HMCN2: variants seen among roughly 807,000 people sequenced by gnomAD.
The protein encoded by HMCN2 is hemicentin-2.
Under a neutral mutation model 377.5 loss-of-function variants are expected in HMCN2, and 325 were observed. That is an observed-to-expected ratio of 0.86 (90% CI 0.79 to 0.94). HMCN2 has a LOEUF of 0.94. Ranked by LOEUF, HMCN2 falls within the 40% of genes least tolerant of loss-of-function variation. HMCN2 has a pLI of 0.00. For synonymous variants in HMCN2, 2,007 were observed against 2,046.8 expected (o/e 0.98, Z 0.53); for missense variants, 4,543 against 4,725.3 (o/e 0.96, Z 1.13).
chr9:130,368,759 GA>G (rs1405499082), intron 44 of HMCN2, among the ~76,000 whole-genome samples: 2 of 152,062 alleles, frequency 1.3e-5, no homozygotes, highest in Non-Finnish European at 2.9e-5. Context: ...AGCCAGGGGG[GA>G]AGCACCAGAC....
intron 87 of HMCN2, among the ~76,000 whole-genome samples, chr9:130,424,319 C>T (rs532595375): frequency 6.6e-6 from 1 of 151,000 alleles, no homozygotes; most frequent in African/African-American, 2.4e-5. Flanking sequence ...GCTGGGACTA[C>T]AGACGCCTGC....
chr9:130,414,731 T>C lies in HMCN2; in HGVS notation c.12962-4041T>C, dbSNP rs1843598122. Among the ~76,000 whole-genome samples, 1 of 151,930 alleles carries C rather than the reference T, an allele frequency of 6.6e-6. No individual in the cohort carries two copies. Among genetic ancestry groups the C allele is most frequent in the South Asian group, 2.1e-4 (1 of 4,822 alleles). ...GATCATCCCATCTCAGCCTCCCAAGTAGCTGGGACTGCAGGCACGTGCCAC... is the reference window on the plus strand; with the variant it reads ...GATCATCCCATCTCAGCCTCCCAAGCAGCTGGGACTGCAGGCACGTGCCAC... On this transcript the variant is annotated intron_variant, in intron 85 of 97. Transcript: ENST00000683500. The surrounding 1 kb of genome is among the most constrained non-coding windows in gnomAD (Gnocchi z 4.4).
Position 130,395,197 on chromosome 9 carries a change from C to T in HMCN2, c.10775-14C>T, listed in dbSNP as rs764973920. The T allele has an allele frequency of 4.7e-6, 6 of 1,286,954 alleles. No homozygotes were observed. Among genetic ancestry groups the T allele is most frequent in the South Asian group, 2.5e-5 (2 of 80,562 alleles). 79.7% of individuals were successfully genotyped at this position (1,286,954 alleles called of 1,614,324 possible). ...GTCCCCCTCTCATATCCTCTTGTGC[C>T]ACCCCCTTCCCAGCCCCTCCAAACA... On this transcript the variant is annotated splice_polypyrimidine_tract_variant and intron_variant, in intron 70 of 97. Coordinates refer to ENST00000683500, the MANE Select transcript of HMCN2 (RefSeq NM_001291815.2).
chr9:130,363,202 C>T (rs1020640626), intron 40 of HMCN2, among the ~76,000 whole-genome samples: 12 of 152,298 alleles, frequency 7.9e-5, no homozygotes, highest in African/African-American at 2.6e-4. Context: ...CAGGTGGCCC[C>T]GCATAGCCAG....
At chr9:130,287,361 C>T (rs893304679) in intron 4 of HMCN2, among the ~76,000 whole-genome samples, 3 of 151,972 alleles carry the variant, frequency 2.0e-5, no homozygotes, top group Non-Finnish European at 4.4e-5. Flanking sequence ...GCCCATTCTT[C>T]GAGCTCCTCC....
At chr9:130,312,238 C>G (rs1837283431) in intron 15 of HMCN2, among the ~76,000 whole-genome samples, 1 of 152,092 alleles carries the variant, frequency 6.6e-6, no homozygotes, top group Non-Finnish European at 1.5e-5. Context: ...GGGCCTGGCG[C>G]TGCTTACGTC....
intron 15 of HMCN2, among the ~76,000 whole-genome samples, chr9:130,314,159 G>A (rs1278798719): frequency 6.6e-6 from 1 of 152,070 alleles, no homozygotes; most frequent in East Asian, 1.9e-4. Context: ...CCTGGTTGCC[G>A]GGGGCCGAGC....
In HMCN2 at chr9:130,400,917, C is replaced by T. The variant is rs1320300431; in HGVS notation, c.11740C>T (p.Arg3914Trp). The T allele has an allele frequency of 1.0e-5, 13 of 1,288,930 alleles. No homozygotes were observed. The highest frequency in any genetic ancestry group is 1.1e-4 in the East Asian group (2 of 17,938). The allele number at this position is 1,288,930 out of a possible 1,614,324, so 79.8% of individuals were successfully genotyped here. A position where few individuals can be genotyped will look rare whatever the true frequency, so the allele number is the denominator to read the frequency against. ...CAAGGCAGGCGCCCAGCTAGGAGCT[C>T]GGGGGAGTGGCTATCGTGTCTCACC... is the stretch of plus-strand genomic sequence containing the variant. ...WSKAGAQLGARGSGYRVSPSG... is the reference protein window; with the variant it reads ...WSKAGAQLGAWGSGYRVSPSG... Residue 3914 changes from arginine (R) to tryptophan (W), a missense_variant, in exon 77 of 98, where the codon CGG becomes TGG. Arg to Trp is a moderately radical substitution (Grantham distance 101, BLOSUM62 -3). Transcript: ENST00000683500.
Position 130,349,582 on chromosome 9 carries a change from G to A in HMCN2, c.4349G>A (p.Gly1450Glu). 1.5e-6 allele frequency: 2 copies of A among 1,303,976 alleles called. No homozygotes were observed. Among genetic ancestry groups the A allele is most frequent in the Non-Finnish European group, 2.0e-6 (2 of 988,908 alleles). 80.8% of individuals were successfully genotyped at this position (1,303,976 alleles called of 1,614,324 possible). Residue 1450 changes from glycine (G) to glutamate (E), a missense_variant, in exon 29 of 98, where the codon GGA becomes GAA. Gly to Glu is a moderately conservative substitution (Grantham distance 98, BLOSUM62 -2). Coordinates refer to ENST00000683500, the MANE Select transcript of HMCN2 (RefSeq NM_001291815.2). ...LGAGAAQEVL[G>E]LAGADVELQC... ...GCCGGGGCCGCTCAGGAGGTGCTAG[G>A]ATTGGCCGGTGCAGACGTGGAGCTG...
At chr9:130,324,017 T>C (rs1176887132) in intron 19 of HMCN2, among the ~76,000 whole-genome samples, 1 of 152,214 alleles carries the variant, frequency 6.6e-6, no homozygotes, top group African/African-American at 2.4e-5. Flanking sequence ...GCTTTTAAAA[T>C]TGTCAAATAT....
chr9:130,358,867 G>A (rs1296528492), intron 36 of HMCN2, among the ~76,000 whole-genome samples: 1 of 152,146 alleles, frequency 6.6e-6, no homozygotes, highest in African/African-American at 2.4e-5. Flanking sequence ...GTAGCGACGG[G>A]GTTTCACCGT....
chr9:130,283,465 A>G (rs2131271835), intron 1 of HMCN2, among the ~76,000 whole-genome samples: 1 of 114,466 alleles, frequency 8.7e-6, no homozygotes, highest in East Asian at 3.1e-4. Flanking sequence ...TGCTTTGCTT[A>G]TGGGGTAAAT....
chr9:130,408,354 T>C (rs1355880578), intron 83 of HMCN2, among the ~76,000 whole-genome samples: 3 of 152,174 alleles, frequency 2.0e-5, no homozygotes, highest in Non-Finnish European at 2.9e-5. Context: ...TTCTTGTTTT[T>C]TTATAGTTAT....
chr9:130,278,217 C>CG (rs1834903544), intron 1 of HMCN2, among the ~76,000 whole-genome samples: 1 of 152,158 alleles, frequency 6.6e-6, no homozygotes, highest in Non-Finnish European at 1.5e-5. Context: ...CTCCGCCTCC[C>CG]AGGTTCACGC....
At chr9:130,292,977 TCTATCTATCTATCTATCTATCTAC>T (rs1216407868) in intron 4 of HMCN2, among the ~76,000 whole-genome samples, 3 of 141,726 alleles carry the variant, frequency 2.1e-5, no homozygotes, top group Non-Finnish European at 4.8e-5. Context: ...TATCTATCTA[TCTATCTATCTATCTATCTATCTAC>T]CTACCTACCT....
intron 18 of HMCN2, 90 bp downstream of exon 18, chr9:130,320,993 G>C (rs1448930612): frequency 1.3e-5 from 2 of 152,292 alleles, no homozygotes; most frequent in Admixed American, 1.3e-4. Flanking sequence ...CTGCTTGGCT[G>C]TTTCCCCGCC....
Position 130,353,116 on chromosome 9 carries a change from G to GCGGCAGTTGCATC in HMCN2, c.4775_4776insCGGCAGTTGCATC (p.Arg1592SerfsTer137). On this transcript the variant is annotated frameshift_variant, in exon 31 of 98. Coordinates refer to ENST00000683500, the MANE Select transcript of HMCN2 (RefSeq NM_001291815.2). LOFTEE classifies it high-confidence loss of function. ...GGCGGTCGGCAGTTGCAGCTGGGGAGGGCCCAGAGCTCCGATGCCGGCGTC... is the reference window on the plus strand; with the variant it reads ...GGCGGTCGGCAGTTGCAGCTGGGGAGCGGCAGTTGCATCGGCCCAGAGCTCCGATGCCGGCGTC... The GCGGCAGTTGCATC allele has an allele frequency of 7.7e-7, 1 of 1,304,236 alleles. No individual in the cohort carries two copies. The highest frequency in any genetic ancestry group is 1.0e-6 in the Non-Finnish European group (1 of 988,940). The allele number at this position is 1,304,236 out of a possible 1,614,324, so 80.8% of individuals were successfully genotyped here.
chr9:130,286,178 C>T lies in HMCN2; in HGVS notation c.490-10C>T. 2.1e-6 allele frequency: 1 copy of T among 470,608 alleles called. No individual in the cohort carries two copies. Among genetic ancestry groups the T allele is most frequent in the Non-Finnish European group, 4.4e-6 (1 of 226,962 alleles). The allele number at this position is 470,608 out of a possible 1,614,324, so 29.2% of individuals were successfully genotyped here. A position where few individuals can be genotyped will look rare whatever the true frequency, so the allele number is the denominator to read the frequency against. ...GGAAGTCGAGAGCAGGCTGCACGTCCATCTTCCAGGTGGTCTTTGTGCTGA... is the reference window on the plus strand; with the variant it reads ...GGAAGTCGAGAGCAGGCTGCACGTCTATCTTCCAGGTGGTCTTTGTGCTGA... On this transcript the variant is annotated splice_polypyrimidine_tract_variant and intron_variant, in intron 3 of 97. Coordinates refer to ENST00000683500, the MANE Select transcript of HMCN2 (RefSeq NM_001291815.2).
intron 53 of HMCN2, among the ~76,000 whole-genome samples, chr9:130,378,820 C>G (rs1050056524): frequency 6.6e-6 from 1 of 152,068 alleles, no homozygotes; most frequent in Non-Finnish European, 1.5e-5. Context: ...GGGGATGACA[C>G]GGCCCCCTCC....
Sources: gnomAD v4.1 joint callset for allele counts (sites outside exome capture counted in the v4.1 genomes callset) on GRCh38, gnomAD v4.1.1 for gene constraint, Gnocchi (gnomAD v3.1) non-coding constraint, MANE v1.5 for transcripts, NCBI Gene and HGNC (gene_info 2026-07-23, HGNC 2026-07-21) for gene names.